ANKRD36B: variants seen among roughly 807,000 people sequenced by gnomAD.
The protein encoded by ANKRD36B is ankyrin repeat domain-containing protein 36B.
ANKRD36B carries 37 observed loss-of-function variants against 135.7 expected under a neutral mutation model. The observed-to-expected ratio is 0.27, with a 90% CI of 0.21 to 0.36. ANKRD36B has a LOEUF of 0.36. Ranked by LOEUF, ANKRD36B falls within the 10% of genes least tolerant of loss-of-function variation. ANKRD36B has a pLI of 1.00. For missense variants in ANKRD36B, 549 were observed against 1,037.1 expected (o/e 0.53, Z 6.46); for synonymous variants, 179 against 348.1 (o/e 0.51, Z 5.41).
chr2:97,558,830 T>G lies in ANKRD36B; in HGVS notation c.936A>C (p.Thr312=), dbSNP rs1249021533. 5 of 1,611,488 alleles carry G rather than the reference T, an allele frequency of 3.1e-6. No individual in the cohort carries two copies. The highest frequency in any genetic ancestry group is 4.2e-6 in the Non-Finnish European group (5 of 1,178,762). The change falls in exon 10 of 44, where the codon ACA becomes ACC. Residue 312 remains threonine (T), a synonymous_variant. Transcript: ENST00000359901. ...DEKDSVSNIA[T]EIKEGQQSGT... ...CAGATTGTTGTCCCTCCTTTATTTCTGTGGCTATATTTGAAACAGAATCTT... is the reference window on the plus strand; with the variant it reads ...CAGATTGTTGTCCCTCCTTTATTTCGGTGGCTATATTTGAAACAGAATCTT...
At chr2:97,566,773 A>G (rs531397436) in intron 6 of ANKRD36B, among the ~76,000 whole-genome samples, 6,195 of 152,200 alleles carry the variant, frequency 0.041, 158 homozygotes, top group Non-Finnish European at 0.064. Context: ...GAAAACACAT[A>G]TTCAACATGA....
intron 6 of ANKRD36B, among the ~76,000 whole-genome samples, chr2:97,570,033 G>A (rs548753233): frequency 3.8e-4 from 58 of 152,174 alleles, no homozygotes; most frequent in African/African-American, 1.2e-3. Flanking sequence ...AATTTTAAAT[G>A]AGAAATCATT....
intron 6 of ANKRD36B, among the ~76,000 whole-genome samples, chr2:97,565,902 T>G (rs2081392760): frequency 6.6e-6 from 1 of 151,802 alleles, no homozygotes; most frequent in African/African-American, 2.4e-5. Flanking sequence ...TATATATATA[T>G]GTACAGTGGC....
At chr2:97,589,499 C>T (rs1362440802) in intron 1 of ANKRD36B, 26 bp downstream of exon 1, 1 of 1,554,796 alleles carries the variant, frequency 6.4e-7, no homozygotes, top group Non-Finnish European at 8.7e-7. Context: ...CCTCCTCCCG[C>T]AGCCCCGGCT....
chr2:97,548,566 T>C (rs1217426180), intron 20 of ANKRD36B, among the ~76,000 whole-genome samples: 1 of 151,910 alleles, frequency 6.6e-6, no homozygotes, highest in East Asian at 1.9e-4. Flanking sequence ...CCAGCATAAT[T>C]TTTGTTTCTA....
intron 43 of ANKRD36B, among the ~76,000 whole-genome samples, chr2:97,494,452 G>A (rs112645366): frequency 0.15 from 15,853 of 104,374 alleles, 1,077 homozygotes; most frequent in African/African-American, 0.23. Context: ...GTGCCACACT[G>A]TTTTAAACAA....
At chr2:97,570,493 G>T (rs187017820) in intron 6 of ANKRD36B, among the ~76,000 whole-genome samples, 3 of 152,278 alleles carry the variant, frequency 2.0e-5, no homozygotes, top group Admixed American at 1.3e-4. Context: ...CTGAACAGCT[G>T]CTTTTCTTCT....
intron 6 of ANKRD36B, among the ~76,000 whole-genome samples, chr2:97,561,499 G>C (rs796910756): frequency 6.6e-6 from 1 of 151,806 alleles, no homozygotes; most frequent in African/African-American, 2.4e-5. Flanking sequence ...CCTTCCAAAA[G>C]TTCCTTCATC....
chr2:97,535,418 C>A (rs549183631), intron 34 of ANKRD36B, among the ~76,000 whole-genome samples: 81 of 107,288 alleles, frequency 7.5e-4, no homozygotes, highest in African/African-American at 1.8e-3. Context: ...CTGTATCAAA[C>A]TATCTCATCT....
At chr2:97,570,877 A>G (rs531116668) in intron 6 of ANKRD36B, among the ~76,000 whole-genome samples, 1 of 152,322 alleles carries the variant, frequency 6.6e-6, no homozygotes, top group South Asian at 2.1e-4. Context: ...ATATGAAATT[A>G]GTTTTCTTTA....
intron 6 of ANKRD36B, among the ~76,000 whole-genome samples, chr2:97,572,098 C>A (rs1003944381): frequency 6.6e-6 from 1 of 151,936 alleles, no homozygotes; most frequent in Non-Finnish European, 1.5e-5. Flanking sequence ...AAGAGAGAGA[C>A]CTTTGTCTTT....
At chr2:97,534,055 CAA>C (rs764863325) in intron 34 of ANKRD36B, among the ~76,000 whole-genome samples, 6 of 40,768 alleles carry the variant, frequency 1.5e-4, no homozygotes, top group Non-Finnish European at 2.7e-4. Flanking sequence ...GACTCCATCT[CAA>C]AAAAAAAAAA....
intron 38 of ANKRD36B, 62 bp downstream of exon 38, chr2:97,513,118 G>C (rs1390261997): frequency 6.9e-7 from 1 of 1,446,468 alleles, no homozygotes; most frequent in Non-Finnish European, 9.1e-7. Context: ...TTAAATGAAA[G>C]AGATGGTATA....
intron 5 of ANKRD36B, among the ~76,000 whole-genome samples, chr2:97,577,695 C>A (rs1339969791): frequency 6.9e-6 from 1 of 144,938 alleles, no homozygotes; most frequent in African/African-American, 2.5e-5. Context: ...AACTAACAAA[C>A]TTGAGACTCA....
intron 1 of ANKRD36B, among the ~76,000 whole-genome samples, chr2:97,588,338 T>C (rs2442310): frequency 2.0e-5 from 3 of 151,876 alleles, no homozygotes; most frequent in East Asian, 2.0e-4. Flanking sequence ...GCAATTGCGG[T>C]TTTCGCCATT....
chr2:97,576,568 C>T, intron 5 of ANKRD36B, 122 bp from the exon 6 acceptor site: 1 of 278,064 alleles, frequency 3.6e-6, no homozygotes. Context: ...ATACACTTCT[C>T]TTTTGTAAGC....
chr2:97,571,993 A>C lies in ANKRD36B; in HGVS notation c.763+4386T>G, dbSNP rs575210228. Among the ~76,000 whole-genome samples the C allele has an allele frequency of 2.0e-5, 3 of 152,114 alleles. No homozygotes were observed. In the South Asian group the frequency reaches 6.2e-4, roughly 32 times the overall value. Reference sequence around the variant, plus strand: ...CTTTGGAGAATAAAGGAAGTTATAGACCAGCACGATGGCTCATGACCATAA... The same window carrying C: ...CTTTGGAGAATAAAGGAAGTTATAGCCCAGCACGATGGCTCATGACCATAA... On this transcript the variant is annotated intron_variant, in intron 6 of 43. Transcript: ENST00000359901.
intron 6 of ANKRD36B, among the ~76,000 whole-genome samples, chr2:97,575,777 G>A (rs965992225): frequency 2.0e-5 from 3 of 151,996 alleles, no homozygotes; most frequent in African/African-American, 7.2e-5. Context: ...TTATTTTACC[G>A]TGGATGGGTG....
intron 14 of ANKRD36B, among the ~76,000 whole-genome samples, chr2:97,554,457 T>G (rs1478127121): frequency 6.6e-6 from 1 of 151,948 alleles, no homozygotes; most frequent in African/African-American, 2.4e-5. Context: ...CTTCATCCAG[T>G]AGTTCCTGGA....
Sources: gnomAD v4.1 joint callset for allele counts (sites outside exome capture counted in the v4.1 genomes callset) on GRCh38, gnomAD v4.1.1 for gene constraint, MANE v1.5 for transcripts, NCBI Gene and HGNC (gene_info 2026-07-23, HGNC 2026-07-21) for gene names.